Variants in ADK observed in about 807,000 individuals in gnomAD.
The protein encoded by ADK is N6,N6-dimethyladenosine kinase.
ADK carries 24 observed loss-of-function variants against 44.7 expected under a neutral mutation model. The ratio of observed to expected loss-of-function variants is 0.54; its 90% CI spans 0.39 to 0.76. The LOEUF is 0.76. Among genes scored for constraint, ADK ranks in the 30% least tolerant of loss-of-function variants. The pLI, the probability that ADK is intolerant of heterozygous loss-of-function variation, is 0.00. For synonymous variants in ADK, 128 were observed against 142.6 expected, an observed-to-expected ratio of 0.90 and a Z score of 0.73; for missense variants, 321 against 425.1, an observed-to-expected ratio of 0.76 and a Z score of 2.15.
intron 6 of ADK, among the ~76,000 whole-genome samples, chr10:74,457,088 A>G (rs184740266): frequency 6.6e-6 from 1 of 152,336 alleles, no homozygotes; most frequent in East Asian, 1.9e-4. Context: ...TGCTAGACAG[A>G]CTACTTAAGA....
chr10:74,615,403 C>G (rs1253371217), intron 9 of ADK, among the ~76,000 whole-genome samples: 1 of 152,042 alleles, frequency 6.6e-6, no homozygotes, highest in Non-Finnish European at 1.5e-5. Flanking sequence ...GTGTCAAGTT[C>G]TGTGGGTTTT....
chr10:74,196,885 A>G (rs113350732), intron 1 of ADK, among the ~76,000 whole-genome samples: 1,789 of 152,308 alleles, frequency 0.012, 13 homozygotes, highest in Non-Finnish European at 0.019. Context: ...GTAAAGCTTT[A>G]TTAGGTGGTC....
chr10:74,172,018 T>C (rs1262805318), intron 1 of ADK, among the ~76,000 whole-genome samples: 1 of 152,190 alleles, frequency 6.6e-6, no homozygotes, highest in Non-Finnish European at 1.5e-5. Flanking sequence ...AAATAATATT[T>C]TTGTGTTTGT....
At chr10:74,480,293 A>T (rs1847021572) in intron 6 of ADK, among the ~76,000 whole-genome samples, 1 of 149,490 alleles carries the variant, frequency 6.7e-6, no homozygotes, top group Non-Finnish European at 1.5e-5. Context: ...GTGTGGTATG[A>T]TCATACTTTA....
chr10:74,554,804 T>G (rs890671738), intron 7 of ADK, among the ~76,000 whole-genome samples: 1 of 151,304 alleles, frequency 6.6e-6, no homozygotes, highest in Non-Finnish European at 1.5e-5. Context: ...AAAAAATTGT[T>G]GTAGTGAAGC....
chr10:74,635,921 C>CAA (rs11294383), intron 9 of ADK, among the ~76,000 whole-genome samples: 2 of 129,612 alleles, frequency 1.5e-5, no homozygotes. Context: ...CCATCTCTAC[C>CAA]AAAAAAAAAA....
At chr10:74,276,337 T>G (rs1846678662) in intron 3 of ADK, among the ~76,000 whole-genome samples, 1 of 152,206 alleles carries the variant, frequency 6.6e-6, no homozygotes, top group South Asian at 2.1e-4. Context: ...AAAGCTCTCC[T>G]TTCTACTACG....
intron 6 of ADK, among the ~76,000 whole-genome samples, chr10:74,447,345 G>GTA (rs1437600469): frequency 1.3e-5 from 2 of 152,088 alleles, no homozygotes; most frequent in East Asian, 1.9e-4. Flanking sequence ...AATAAGGGTT[G>GTA]TTTAGTAAGG....
At chr10:74,402,002 T>C (rs995659740) in intron 6 of ADK, among the ~76,000 whole-genome samples, 1 of 152,218 alleles carries the variant, frequency 6.6e-6, no homozygotes, top group Non-Finnish European at 1.5e-5. Flanking sequence ...CTTATGAAGC[T>C]TAGTTTGGCT....
At chr10:74,457,011 A>G (rs780837017) in intron 6 of ADK, among the ~76,000 whole-genome samples, 1 of 152,202 alleles carries the variant, frequency 6.6e-6, no homozygotes, top group Non-Finnish European at 1.5e-5. Context: ...AGAGACACGA[A>G]AAACCCTTCC....
At chr10:74,356,119 C>T (rs1219964175) in intron 4 of ADK, among the ~76,000 whole-genome samples, 2 of 146,502 alleles carry the variant, frequency 1.4e-5, no homozygotes, top group African/African-American at 2.5e-5. Context: ...CCCGGGTTCA[C>T]GCCATTCTCC....
chr10:74,179,152 T>C (rs1199981802), intron 1 of ADK, among the ~76,000 whole-genome samples: 6 of 152,210 alleles, frequency 3.9e-5, no homozygotes, highest in Admixed American at 1.3e-4. Context: ...AGGGAGGCCA[T>C]TGAAAGTGAA....
intron 6 of ADK, among the ~76,000 whole-genome samples, chr10:74,523,984 C>T (rs997025316): frequency 6.6e-6 from 1 of 152,196 alleles, no homozygotes; most frequent in Non-Finnish European, 1.5e-5. Flanking sequence ...CCCTCTTGCA[C>T]ATTGCCCACC....
intron 10 of ADK, among the ~76,000 whole-genome samples, chr10:74,684,525 C>A (rs1354515221): frequency 6.6e-6 from 1 of 152,076 alleles, no homozygotes; most frequent in Non-Finnish European, 1.5e-5. Context: ...AATCTCAGCA[C>A]TTTGGGAGGC....
chr10:74,560,917 C>T (rs989338176), intron 7 of ADK, among the ~76,000 whole-genome samples: 1 of 152,026 alleles, frequency 6.6e-6, no homozygotes. Flanking sequence ...TTTTAAAGAG[C>T]TCATAATCTA....
At chr10:74,291,419 A>C (rs1847430612) in intron 3 of ADK, among the ~76,000 whole-genome samples, 1 of 151,962 alleles carries the variant, frequency 6.6e-6, no homozygotes, top group Admixed American at 6.6e-5. Context: ...TCCGTCTCAA[A>C]AACAACAACA....
chr10:74,450,533 T>C (rs1454884600), intron 6 of ADK, among the ~76,000 whole-genome samples: 2 of 152,248 alleles, frequency 1.3e-5, no homozygotes, highest in African/African-American at 2.4e-5. Flanking sequence ...GATCCAAATT[T>C]AATTTTGTAA....
intron 4 of ADK, chr10:74,372,455 G>A: frequency 2.2e-6 from 1 of 464,450 alleles, no homozygotes; most frequent in Non-Finnish European, 3.9e-6. Context: ...ATGGAAATAA[G>A]GTTGACGGAA....
intron 7 of ADK, among the ~76,000 whole-genome samples, chr10:74,558,053 A>G (rs1466048812): frequency 6.6e-6 from 1 of 152,200 alleles, no homozygotes; most frequent in African/African-American, 2.4e-5. Flanking sequence ...TGACCAGTTT[A>G]GGAAATTGAT....
Sources: gnomAD v4.1 joint callset for allele counts (sites outside exome capture counted in the v4.1 genomes callset) on GRCh38, gnomAD v4.1.1 for gene constraint, MANE v1.5 for transcripts, NCBI Gene and HGNC (gene_info 2026-07-23, HGNC 2026-07-21) for gene names.